Variants in SOX6 observed in about 807,000 individuals in gnomAD.
SOX6 encodes the protein transcription factor SOX-6.
Under a neutral mutation model 97.8 loss-of-function variants are expected in SOX6, and 11 were observed. The ratio of observed to expected loss-of-function variants is 0.11; its 90% CI spans 0.07 to 0.19. SOX6 has a LOEUF of 0.19. SOX6 is among the 10% of genes least tolerant of loss of function. The probability of loss-of-function intolerance (pLI) is 1.00; values close to 1 mark genes in which losing one functional copy is unlikely to be tolerated. For missense variants in SOX6, 810 were observed against 1,039.5 expected, an observed-to-expected ratio of 0.78 and a Z score of 3.04; for synonymous variants, 360 against 371.4, an observed-to-expected ratio of 0.97 and a Z score of 0.35.
intron 4 of SOX6, among the ~76,000 whole-genome samples, chr11:16,527,367 G>T (rs1861182643): frequency 6.6e-6 from 1 of 151,944 alleles, no homozygotes; most frequent in Admixed American, 6.6e-5. Context: ...TGCTACCCTG[G>T]GTGAAATTAA....
At chr11:16,593,750 A>G (rs2133973858) in intron 4 of SOX6, among the ~76,000 whole-genome samples, 1 of 152,322 alleles carries the variant, frequency 6.6e-6, no homozygotes, top group Non-Finnish European at 1.5e-5. Context: ...TATCCTAGGA[A>G]GAAGGCATTA....
chr11:16,730,762 A>T (rs2134059765), intron 2 of SOX6, among the ~76,000 whole-genome samples: 1 of 152,290 alleles, frequency 6.6e-6, no homozygotes, highest in East Asian at 1.9e-4. Context: ...GAACTGAAGG[A>T]GACAGAGACA....
At chr11:16,012,041 T>C (rs1037119282) in intron 13 of SOX6, among the ~76,000 whole-genome samples, 1 of 152,052 alleles carries the variant, frequency 6.6e-6, no homozygotes, top group Non-Finnish European at 1.5e-5. Context: ...CTGCCCATCG[T>C]TTGTTTTAAG....
intron 3 of SOX6, among the ~76,000 whole-genome samples, chr11:16,640,008 C>T (rs1848870441): frequency 6.6e-6 from 1 of 152,118 alleles, no homozygotes; most frequent in Non-Finnish European, 1.5e-5. Context: ...GGGAATGCTT[C>T]CAGTTTTTGC....
intron 3 of SOX6, among the ~76,000 whole-genome samples, chr11:16,677,394 G>A (rs1050443825): frequency 2.0e-5 from 3 of 152,076 alleles, no homozygotes; most frequent in Non-Finnish European, 4.4e-5. Context: ...TTCCCTGGTT[G>A]CTGTAAGCTT....
intron 4 of SOX6, among the ~76,000 whole-genome samples, chr11:16,540,282 A>G (rs1459100124): frequency 1.3e-5 from 2 of 152,190 alleles, no homozygotes; most frequent in African/African-American, 4.8e-5. Context: ...CCTTCATGCT[A>G]AAAACTCTCA....
intron 6 of SOX6, among the ~76,000 whole-genome samples, chr11:16,132,505 A>AAAGC (rs57320186): frequency 0.054 from 4,656 of 85,826 alleles, 722 homozygotes; most frequent in South Asian, 0.076. Context: ...AGAAAGAAAG[A>AAAGC]AAGCTTATCT....
chr11:16,640,408 G>T (rs181753601), intron 3 of SOX6, among the ~76,000 whole-genome samples: 2 of 152,292 alleles, frequency 1.3e-5, no homozygotes, highest in African/African-American at 4.8e-5. Flanking sequence ...TTGCTATCAG[G>T]ATGACGCTGG....
intron 3 of SOX6, among the ~76,000 whole-genome samples, chr11:16,692,612 G>A (rs1179990827): frequency 6.6e-6 from 1 of 152,158 alleles, no homozygotes; most frequent in African/African-American, 2.4e-5. Flanking sequence ...CCAGCTTGGA[G>A]TCTGAAAAAT....
chr11:16,062,184 T>C (rs920429682), intron 9 of SOX6, among the ~76,000 whole-genome samples: 4 of 151,602 alleles, frequency 2.6e-5, no homozygotes, highest in African/African-American at 9.7e-5. Context: ...CCATAACTAA[T>C]GAGTAGTAAC....
intron 4 of SOX6, among the ~76,000 whole-genome samples, chr11:16,520,808 G>A (rs1292254477): frequency 2.6e-5 from 4 of 152,172 alleles, no homozygotes; most frequent in East Asian, 1.9e-4. Flanking sequence ...CTTAAAAAAC[G>A]GCACACCAGG....
chr11:16,036,605 A>G (rs1310841373), intron 12 of SOX6, among the ~76,000 whole-genome samples: 2 of 152,202 alleles, frequency 1.3e-5, no homozygotes, highest in African/African-American at 4.8e-5. Context: ...TAGACAGAGC[A>G]CACATTAGAT....
intron 4 of SOX6, among the ~76,000 whole-genome samples, chr11:16,550,474 A>T (rs1190107844): frequency 6.6e-6 from 1 of 152,014 alleles, no homozygotes; most frequent in Non-Finnish European, 1.5e-5. Flanking sequence ...TAAAAAATAA[A>T]AAATAATAAT....
At chr11:16,203,912 T>G (rs562660556) in intron 4 of SOX6, among the ~76,000 whole-genome samples, 36 of 152,228 alleles carry the variant, frequency 2.4e-4, no homozygotes, top group South Asian at 1.0e-3. Context: ...ATTTTCAGTA[T>G]GAAGCTTCTC....
chr11:16,536,078 T>C (rs1476340404), intron 4 of SOX6, among the ~76,000 whole-genome samples: 2 of 152,226 alleles, frequency 1.3e-5, no homozygotes, highest in African/African-American at 4.8e-5. Flanking sequence ...CTATTATCAA[T>C]TGTGAAAGCA....
chr11:16,161,433 C>T (rs1356960550), intron 6 of SOX6, among the ~76,000 whole-genome samples: 3 of 151,274 alleles, frequency 2.0e-5, no homozygotes, highest in Non-Finnish European at 4.4e-5. Flanking sequence ...ATTTTAGTAG[C>T]TAATAGGCTC....
intron 1 of SOX6, among the ~76,000 whole-genome samples, chr11:16,389,504 C>T (rs1367712093): frequency 1.3e-5 from 2 of 151,802 alleles, no homozygotes; most frequent in East Asian, 3.9e-4. Context: ...TTTAAGTTCC[C>T]TTTGGCTCTT....
chr11:16,490,561 C>G (rs998795376), intron 4 of SOX6, among the ~76,000 whole-genome samples: 13 of 151,636 alleles, frequency 8.6e-5, no homozygotes, highest in East Asian at 3.9e-4. Context: ...ACTATAATAT[C>G]AGACAAAAAA....
intron 15 of SOX6, among the ~76,000 whole-genome samples, chr11:15,975,184 C>G (rs1853437984): frequency 6.6e-6 from 1 of 152,172 alleles, no homozygotes; most frequent in African/African-American, 2.4e-5. Flanking sequence ...GAATCTAAAT[C>G]TATGTATAGA....
Sources: allele counts gnomAD v4.1 joint callset (sites outside exome capture counted in the v4.1 genomes callset), GRCh38; gene constraint gnomAD v4.1.1; transcripts MANE v1.5; gene names NCBI Gene and HGNC (gene_info 2026-07-23, HGNC 2026-07-21).